Variants in CSMD1 observed in about 807,000 individuals in gnomAD.
CSMD1 encodes the protein CUB and sushi domain-containing protein 1.
A neutral mutation model predicts 417.5 loss-of-function variants in CSMD1; 213 were observed. The observed-to-expected ratio is 0.51, with a 90% CI of 0.46 to 0.57. CSMD1 has a LOEUF of 0.57. Ranked by LOEUF, CSMD1 falls within the 20% of genes least tolerant of loss-of-function variation. The pLI, the probability that CSMD1 is intolerant of heterozygous loss-of-function variation, is 0.00. For missense variants in CSMD1, 6,923 were observed against 4,529.7 expected (o/e 1.53, Z -15.17); for synonymous variants, 2,862 against 1,736.8 (o/e 1.65, Z -16.11).
chr8:3,561,647 A>G (rs1316244820), intron 10 of CSMD1, among the ~76,000 whole-genome samples: 2 of 152,156 alleles, frequency 1.3e-5, no homozygotes. Context: ...AGGAGAGTAA[A>G]GCTTAAGAAT....
chr8:3,254,078 A>G (rs1800468531), intron 26 of CSMD1, among the ~76,000 whole-genome samples: 1 of 152,192 alleles, frequency 6.6e-6, no homozygotes, highest in Non-Finnish European at 1.5e-5. Flanking sequence ...TGGTGGTGAC[A>G]GAATCTCTCA....
chr8:4,477,898 C>T (rs1018878944), intron 2 of CSMD1, among the ~76,000 whole-genome samples: 1 of 152,180 alleles, frequency 6.6e-6, no homozygotes, highest in Non-Finnish European at 1.5e-5. Flanking sequence ...TAACTGGTGG[C>T]AAAACCTGAT....
In CSMD1 at chr8:4,398,358, T is replaced by A. The variant is rs79746680; in HGVS notation, c.415+21595A>T. ...TGATAGCTTTAAAAGTTTTTAATTA[T>A]CCTCTTTTTAAATTGTCTTGCTGCA... On this transcript the variant is annotated intron_variant, in intron 3 of 69. Coordinates refer to ENST00000635120, the MANE Select transcript of CSMD1 (RefSeq NM_033225.6). Among the ~76,000 whole-genome samples the A allele has an allele frequency of 6.3e-3, 951 of 151,048 alleles. 11 individuals are homozygous for A. Among genetic ancestry groups the A allele is most frequent in the African/African-American group, 0.022 (911 of 41,234 alleles).
At chr8:3,990,534 A>G (rs1038734057) in intron 5 of CSMD1, among the ~76,000 whole-genome samples, 1 of 152,218 alleles carries the variant, frequency 6.6e-6, no homozygotes. Context: ...ACTACATTTT[A>G]TCCATAGCTA....
At chr8:3,335,529 T>C (rs1807200557) in intron 23 of CSMD1, among the ~76,000 whole-genome samples, 1 of 151,946 alleles carries the variant, frequency 6.6e-6, no homozygotes, top group South Asian at 2.1e-4. Context: ...AATACAAAAT[T>C]AGCCGGGTGT....
intron 5 of CSMD1, among the ~76,000 whole-genome samples, chr8:3,875,604 G>C (rs1405583184): frequency 6.6e-6 from 1 of 152,158 alleles, no homozygotes; most frequent in Non-Finnish European, 1.5e-5. Flanking sequence ...TGTGAGAGGA[G>C]GAAGAGGAGG....
At chr8:4,134,653 C>T (rs1201263261) in intron 3 of CSMD1, among the ~76,000 whole-genome samples, 4 of 152,182 alleles carry the variant, frequency 2.6e-5, no homozygotes, top group African/African-American at 9.7e-5. Flanking sequence ...TAAAATATAT[C>T]TAGAATCATT....
intron 7 of CSMD1, among the ~76,000 whole-genome samples, chr8:3,617,000 G>A (rs1802173417): frequency 6.6e-6 from 1 of 152,078 alleles, no homozygotes. Flanking sequence ...TCCAGTGAAA[G>A]GATGATAATC....
intron 3 of CSMD1, among the ~76,000 whole-genome samples, chr8:4,233,807 A>T (rs562923188): frequency 6.6e-6 from 1 of 152,190 alleles, no homozygotes; most frequent in African/African-American, 2.4e-5. Context: ...AGGATATTTC[A>T]TGAAATTTCA....
At chr8:4,698,859 A>G (rs578222485) in intron 1 of CSMD1, among the ~76,000 whole-genome samples, 5 of 151,954 alleles carry the variant, frequency 3.3e-5, no homozygotes, top group South Asian at 2.1e-4. Flanking sequence ...GGTTACTTCA[A>G]TACATTTTGG....
At chr8:3,853,664 C>G (rs919048579) in intron 5 of CSMD1, among the ~76,000 whole-genome samples, 3 of 151,928 alleles carry the variant, frequency 2.0e-5, no homozygotes, top group African/African-American at 4.8e-5. Context: ...ACCATCTTCC[C>G]TAGTGTAGAA....
chr8:3,385,120 AATAT>A (rs1352944226), intron 18 of CSMD1, among the ~76,000 whole-genome samples: 3 of 36,526 alleles, frequency 8.2e-5, no homozygotes, highest in Non-Finnish European at 1.8e-4. Flanking sequence ...AAATATATAT[AATAT>A]ATAAATATAT....
chr8:3,464,897 G>A (rs1020249103), intron 12 of CSMD1, among the ~76,000 whole-genome samples: 1 of 151,972 alleles, frequency 6.6e-6, no homozygotes, highest in Non-Finnish European at 1.5e-5. Flanking sequence ...TCCCTCAAGA[G>A]CTCTCTTTGT....
chr8:4,065,929 G>A (rs1432174611), intron 3 of CSMD1, among the ~76,000 whole-genome samples: 2 of 152,204 alleles, frequency 1.3e-5, no homozygotes, highest in Admixed American at 6.5e-5. Flanking sequence ...AAAAATGAGA[G>A]TTAGAGAAAA....
chr8:4,622,591 G>C (rs1002366421), intron 2 of CSMD1, among the ~76,000 whole-genome samples: 1 of 152,146 alleles, frequency 6.6e-6, no homozygotes, highest in African/African-American at 2.4e-5. Flanking sequence ...ATGTGTACAA[G>C]GTTTGGTTTC....
At chr8:4,595,404 T>G (rs1449217437) in intron 2 of CSMD1, among the ~76,000 whole-genome samples, 1 of 76,214 alleles carries the variant, frequency 1.3e-5, no homozygotes, top group African/African-American at 3.4e-5. Context: ...TCCATCCAAA[T>G]AATGCTATAC....
chr8:4,705,360 C>CCAGCGTCT (rs1479529577), intron 1 of CSMD1, among the ~76,000 whole-genome samples: 2 of 152,024 alleles, frequency 1.3e-5, no homozygotes, highest in African/African-American at 4.8e-5. Flanking sequence ...TTCTGGAAAC[C>CCAGCGTCT]ATGATGTAAG....
chr8:4,191,504 C>G (rs908514149), intron 3 of CSMD1, among the ~76,000 whole-genome samples: 6 of 152,134 alleles, frequency 3.9e-5, no homozygotes, highest in Non-Finnish European at 1.5e-5. Context: ...CTGCAAGATA[C>G]TGGTGAAGTG....
At chr8:3,242,299 G>A (rs1187778599) in intron 26 of CSMD1, among the ~76,000 whole-genome samples, 4 of 150,342 alleles carry the variant, frequency 2.7e-5, no homozygotes, top group Admixed American at 2.6e-4. Context: ...GGGAGGAAGG[G>A]AGAGGTCAGA....
Sources: gnomAD v4.1 joint callset for allele counts (sites outside exome capture counted in the v4.1 genomes callset) on GRCh38, gnomAD v4.1.1 for gene constraint, MANE v1.5 for transcripts, NCBI Gene and HGNC (gene_info 2026-07-23, HGNC 2026-07-21) for gene names.